CNTN5: variants seen among roughly 807,000 people sequenced by gnomAD.
The protein encoded by CNTN5 is contactin-5.
Under a neutral mutation model 129.1 loss-of-function variants are expected in CNTN5, and 77 were observed. The observed-to-expected ratio is 0.60, with a 90% confidence interval of 0.50 to 0.72. The LOEUF (loss-of-function observed/expected upper bound fraction) is 0.72, where lower values mean the gene tolerates loss of function less well. CNTN5 is among the 30% of genes least tolerant of loss of function. CNTN5 has a pLI of 0.00. For synonymous variants in CNTN5, 509 were observed against 465.6 expected (o/e 1.09, Z -1.20); for missense variants, 1,478 against 1,328.8 (o/e 1.11, Z -1.75).
intron 3 of CNTN5, among the ~76,000 whole-genome samples, chr11:99,814,338 C>G (rs1946517227): frequency 6.6e-6 from 1 of 152,010 alleles, no homozygotes; most frequent in Admixed American, 6.6e-5. Context: ...GAAAGCAGCA[C>G]CATCAAGAAG....
intron 2 of CNTN5, among the ~76,000 whole-genome samples, chr11:99,499,171 C>G (rs533084616): frequency 6.6e-6 from 1 of 152,230 alleles, no homozygotes; most frequent in African/African-American, 2.4e-5. Flanking sequence ...AGTTAACACC[C>G]CACTATTCCC....
At chr11:99,220,367 A>G (rs1172410192) in intron 1 of CNTN5, among the ~76,000 whole-genome samples, 2 of 152,108 alleles carry the variant, frequency 1.3e-5, no homozygotes, top group East Asian at 3.9e-4. Context: ...ATAAAAATTA[A>G]GTTTATACTA....
chr11:99,625,686 T>A (rs569694996), intron 3 of CNTN5, among the ~76,000 whole-genome samples: 1 of 152,248 alleles, frequency 6.6e-6, no homozygotes, highest in African/African-American at 2.4e-5. Flanking sequence ...TTAAATCTTA[T>A]AAAGACCTTT....
intron 6 of CNTN5, among the ~76,000 whole-genome samples, chr11:99,914,420 ATTTG>A (rs140480683): frequency 0.012 from 1,780 of 152,236 alleles, 30 homozygotes; most frequent in African/African-American, 0.041. Flanking sequence ...ATTTGCATAT[ATTTG>A]TTTGTTTGTT....
chr11:100,174,939 T>C (rs17094498), intron 13 of CNTN5, among the ~76,000 whole-genome samples: 4,708 of 152,206 alleles, frequency 0.031, 246 homozygotes, highest in African/African-American at 0.11. Flanking sequence ...AGCTAAACTT[T>C]ATCTAGAAGA....
intron 9 of CNTN5, among the ~76,000 whole-genome samples, chr11:100,012,336 G>A (rs779714379): frequency 1.3e-5 from 2 of 152,136 alleles, no homozygotes; most frequent in African/African-American, 2.4e-5. Flanking sequence ...ACTTCTCAAG[G>A]AATGGCTAGA....
At chr11:99,373,158 G>A (rs947438084) in intron 2 of CNTN5, among the ~76,000 whole-genome samples, 5 of 152,148 alleles carry the variant, frequency 3.3e-5, no homozygotes, top group African/African-American at 7.2e-5. Flanking sequence ...GCAGTGAGCC[G>A]AGATCGCACC....
chr11:100,092,771 G>T (rs776059692), intron 13 of CNTN5, among the ~76,000 whole-genome samples: 4 of 148,946 alleles, frequency 2.7e-5, no homozygotes, highest in Non-Finnish European at 4.5e-5. Context: ...GCATATGTGT[G>T]TGCTGGGAGG....
chr11:99,510,701 G>A (rs111973922), intron 2 of CNTN5, among the ~76,000 whole-genome samples: 12 of 152,232 alleles, frequency 7.9e-5, no homozygotes, highest in South Asian at 2.1e-4. Flanking sequence ...ATTATTCAAC[G>A]TTTATGGTGA....
intron 1 of CNTN5, among the ~76,000 whole-genome samples, chr11:99,209,123 T>C (rs1470990069): frequency 6.6e-6 from 1 of 152,092 alleles, no homozygotes; most frequent in Non-Finnish European, 1.5e-5. Context: ...GTACATTCAG[T>C]GCACACAAAA....
At chr11:100,193,129 C>A (rs1336207891) in intron 14 of CNTN5, among the ~76,000 whole-genome samples, 1 of 151,848 alleles carries the variant, frequency 6.6e-6, no homozygotes, top group Admixed American at 6.6e-5. Context: ...TGTAAAAAAT[C>A]TTTTATTTAC....
rs528993975 is a variant in CNTN5 at position 99,776,942 on chromosome 11, T to C, written c.56-42602T>C. ...GAACATGAGATGCAAGCAAACTTTC[T>C]GCTTTCTCTAAGAAATTATGTTATT... On this transcript the variant is annotated intron_variant, in intron 3 of 24. Coordinates refer to ENST00000524871, the MANE Select transcript of CNTN5 (RefSeq NM_014361.4). Among the ~76,000 whole-genome samples the C allele has an allele frequency of 3.1e-4, 47 of 152,116 alleles. No individual in the cohort carries two copies. The South Asian group carries it at 9.1e-3, about 29-fold the overall frequency.
intron 13 of CNTN5, among the ~76,000 whole-genome samples, chr11:100,161,872 C>CACACACAA (rs1191557675): frequency 1.6e-5 from 2 of 127,620 alleles, no homozygotes; most frequent in Non-Finnish European, 3.4e-5. Flanking sequence ...CACACACACA[C>CACACACAA]AAAACAAAAA....
chr11:100,077,902 T>C (rs1289501953), intron 13 of CNTN5, among the ~76,000 whole-genome samples: 1 of 152,068 alleles, frequency 6.6e-6, no homozygotes, highest in Non-Finnish European at 1.5e-5. Context: ...ATTGCTTTCA[T>C]AGCATAAAAT....
chr11:99,527,135 T>A (rs1947517280), intron 2 of CNTN5, among the ~76,000 whole-genome samples: 2 of 152,206 alleles, frequency 1.3e-5, no homozygotes, highest in Non-Finnish European at 2.9e-5. Context: ...AATAGCAGAA[T>A]GTTTGCTTTT....
chr11:99,762,345 C>T (rs940195826), intron 3 of CNTN5, among the ~76,000 whole-genome samples: 3 of 151,876 alleles, frequency 2.0e-5, no homozygotes, highest in Non-Finnish European at 2.9e-5. Flanking sequence ...TTGCCCATGC[C>T]TGTGTCCTGA....
At chr11:99,912,299 T>G (rs1382316619) in intron 6 of CNTN5, among the ~76,000 whole-genome samples, 1 of 152,046 alleles carries the variant, frequency 6.6e-6, no homozygotes, top group Non-Finnish European at 1.5e-5. Flanking sequence ...TGGTAAATGT[T>G]CATGGTATGT....
chr11:99,267,135 G>T (rs1862938880), intron 1 of CNTN5, among the ~76,000 whole-genome samples: 2 of 151,988 alleles, frequency 1.3e-5, no homozygotes, highest in Admixed American at 6.6e-5. Context: ...CTGATACCAC[G>T]AAGCCAGCTA....
At chr11:100,174,711 C>T (rs769159594) in intron 13 of CNTN5, among the ~76,000 whole-genome samples, 9 of 152,028 alleles carry the variant, frequency 5.9e-5, no homozygotes, top group South Asian at 2.1e-4. Flanking sequence ...GACAAAAAGG[C>T]GGCCCCCTTC....
Sources: allele counts gnomAD v4.1 joint callset (sites outside exome capture counted in the v4.1 genomes callset), GRCh38; gene constraint gnomAD v4.1.1; transcripts MANE v1.5; gene names NCBI Gene and HGNC (gene_info 2026-07-23, HGNC 2026-07-21).